ANKS3: variants seen among roughly 807,000 people sequenced by gnomAD.
The protein encoded by ANKS3 is ankyrin repeat and sterile alpha motif domain containing 3, also known as ankyrin repeat and SAM domain-containing protein 3.
Under a neutral mutation model 80.7 loss-of-function variants are expected in ANKS3, and 62 were observed. The observed-to-expected ratio is 0.77, with a 90% CI of 0.63 to 0.95. ANKS3 has a LOEUF of 0.95. Among genes scored for constraint, ANKS3 ranks in the 40% least tolerant of loss-of-function variants. ANKS3 has a pLI of 0.00. For synonymous variants in ANKS3, 489 were observed against 355.3 expected (o/e 1.38, Z -4.23); for missense variants, 1,150 against 883.6 (o/e 1.30, Z -3.82).
chr16:4,726,493 C>T (rs991933135), intron 5 of ANKS3, among the ~76,000 whole-genome samples, 166 bp downstream of exon 5: 2 of 152,186 alleles, frequency 1.3e-5, no homozygotes, highest in Admixed American at 6.5e-5. Flanking sequence ...CACAGATGTA[C>T]GAAAAGGCCT....
intron 11 of ANKS3, chr16:4,700,570 G>C (rs2291408): frequency 0.15 from 53,058 of 358,072 alleles, 4,546 homozygotes; most frequent in East Asian, 0.3. Context: ...TGTGGTCAGA[G>C]GGACCACAGA....
rs775426557 is a variant in ANKS3 at position 4,698,073 on chromosome 16, C to T, written c.1725-11G>A. ...TCAGCTTGACAGGCTCTGCCAGACA[C>T]AGAAACAAATATTGGTGAGAGCAGA... On this transcript the variant is annotated splice_polypyrimidine_tract_variant and intron_variant, in intron 14 of 17. Transcript: ENST00000304283. 6.2e-7 allele frequency: 1 copy of T among 1,601,742 alleles called. No individual in the cohort carries two copies. Among genetic ancestry groups the T allele is most frequent in the East Asian group, 2.2e-5 (1 of 44,536 alleles).
intron 11 of ANKS3, chr16:4,700,077 C>T (rs2079815505): frequency 6.6e-6 from 1 of 152,580 alleles, no homozygotes; most frequent in Non-Finnish European, 1.5e-5. Context: ...ATCCAAGGCT[C>T]TACTGAACAG....
chr16:4,725,999 G>A (rs2081329564), intron 5 of ANKS3, among the ~76,000 whole-genome samples: 1 of 145,868 alleles, frequency 6.9e-6, no homozygotes, highest in African/African-American at 2.6e-5. Context: ...TTTTTGAGAT[G>A]GAGTCTTGCT....
At position 4,702,258 on chromosome 16, in the gene ANKS3, G is replaced by A. The variant is rs1450397368; in HGVS notation, c.869-16C>T. ...GGAGCCTGCTCTGTGTACAGAATGGGGCCCATAAGCCCAGGGAACTCCAAA... is the reference window on the plus strand; with the variant it reads ...GGAGCCTGCTCTGTGTACAGAATGGAGCCCATAAGCCCAGGGAACTCCAAA... On this transcript the variant is annotated splice_polypyrimidine_tract_variant and intron_variant, in intron 8 of 17. Coordinates refer to ENST00000304283, the MANE Select transcript of ANKS3 (RefSeq NM_133450.4). 2 of 1,509,816 alleles carry A rather than the reference G, an allele frequency of 1.3e-6. No individual in the cohort carries two copies. The highest frequency in any genetic ancestry group is 1.8e-6 in the Non-Finnish European group (2 of 1,130,096). The allele number at this position is 1,509,816 out of a possible 1,614,324, so 93.5% of individuals were successfully genotyped here.
At position 4,702,110 on chromosome 16, in the gene ANKS3, C is replaced by T. The variant is rs1405103289; in HGVS notation, c.1001G>A (p.Ser334Asn). Residue 334 changes from serine to asparagine, a missense_variant, in exon 9 of 18, where the codon AGC becomes AAC. Coordinates refer to ENST00000304283, the MANE Select transcript of ANKS3 (RefSeq NM_133450.4). ...GGTGGGGGTGCACGTACCCCGACTG[C>T]TGCTGCTGCTGCTGCTCTCCACATC... Reference protein sequence around the residue: ...ERDVESSSSSSSREEHAFCAN... With the variant: ...ERDVESSSSSNSREEHAFCAN... 3.2e-6 allele frequency: 5 copies of T among 1,579,868 alleles called. 1 individual carries two copies. The Admixed American group carries it at 5.2e-5, about 16-fold the overall frequency.
rs762322253 is a variant in ANKS3 at position 4,698,604 on chromosome 16, A to AG, written c.1552-6dup. On this transcript the variant is annotated splice_polypyrimidine_tract_variant and splice_region_variant and intron_variant, in intron 13 of 17. Coordinates refer to ENST00000304283, the MANE Select transcript of ANKS3 (RefSeq NM_133450.4). The stretch of plus-strand genomic sequence containing the variant: ...GGCCTCTACCTCCTCGCAGCGCTGC[A>AG]GGGGGGTGGGGGGCGCGGGGAGGCT... The AG allele has an allele frequency of 7.7e-6, 12 of 1,552,754 alleles. No individual in the cohort carries two copies. In the South Asian group the frequency reaches 9.5e-5, roughly 12 times the overall value.
chr16:4,724,273 T>C (rs2081247596), intron 6 of ANKS3, among the ~76,000 whole-genome samples: 1 of 152,194 alleles, frequency 6.6e-6, no homozygotes, highest in African/African-American at 2.4e-5. Context: ...AAGATGTCTC[T>C]AAGTTACAGA....
In ANKS3 at chr16:4,697,341, C is replaced by G; in HGVS notation, c.1886G>C (p.Arg629Pro). 1.9e-6 allele frequency: 3 copies of G among 1,606,334 alleles called. No homozygotes were observed. Among genetic ancestry groups the G allele is most frequent in the Non-Finnish European group, 2.6e-6 (3 of 1,175,522 alleles). Residue 629 changes from arginine (R) to proline (P), a missense_variant, in exon 16 of 18, where the codon CGT becomes CCT. Coordinates refer to ENST00000304283, the MANE Select transcript of ANKS3 (RefSeq NM_133450.4). ...GGTCCCCGGAGACTCACCCATCTCA[C>G]GGACACGGTCCTCCAGGGCTCCCGA... ...ELSGALEDRV[R>P]EMGQALCLVT...
At chr16:4,713,448 G>A (rs2080608761) in intron 7 of ANKS3, among the ~76,000 whole-genome samples, 2 of 151,898 alleles carry the variant, frequency 1.3e-5, no homozygotes, top group South Asian at 4.1e-4. Context: ...CTGAGAGTTG[G>A]GGGGAAAAAA....
At chr16:4,700,821 G>T in intron 11 of ANKS3, 149 bp downstream of exon 11, 1 of 1,044,022 alleles carries the variant, frequency 9.6e-7, no homozygotes, top group Non-Finnish European at 1.5e-6. Flanking sequence ...AGCCGGCTGT[G>T]AGCCTGTGGA....
rs929347106 is a variant in ANKS3 at position 4,732,688 on chromosome 16, A to AC, written c.-70-1110_-70-1109insG. Among the ~76,000 whole-genome samples the AC allele has an allele frequency of 3.5e-5, 5 of 144,834 alleles. 1 individual carries two copies. The East Asian group carries it at 7.8e-4, about 23-fold the overall frequency. ...AGCGAAATTCTGTCTCAAAAAAAAA[A>AC]ACAAAAAAAAAACACTAAAGTGAAA... On this transcript the variant is annotated intron_variant, in intron 1 of 17. Coordinates refer to ENST00000304283, the MANE Select transcript of ANKS3 (RefSeq NM_133450.4).
Position 4,713,368 on chromosome 16 carries a change from T to C in ANKS3, c.709+683A>G, listed in dbSNP as rs185957030. Among the ~76,000 whole-genome samples the C allele has an allele frequency of 2.6e-5, 4 of 152,230 alleles. No homozygotes were observed. The East Asian group carries it at 5.8e-4, about 22-fold the overall frequency. ...GACACCACTAAAGGACTTATTCACG[T>C]ATCCAACCACCACCTGTTCTCCAAA... On this transcript the variant is annotated intron_variant, in intron 7 of 17. Transcript: ENST00000304283.
In ANKS3 at chr16:4,698,781, C is replaced by A. The variant is rs8050086; in HGVS notation, c.1551+19G>T. The stretch of plus-strand genomic sequence containing the variant: ...CACGGGTGTCACCCTGCCCCCCCAT[C>A]CCCCACCCAGCCACTCACCTTGTGC... On this transcript the variant is annotated intron_variant, in intron 13 of 17. Transcript: ENST00000304283. 3.2e-6 allele frequency: 5 copies of A among 1,585,878 alleles called. No individual in the cohort carries two copies. Among genetic ancestry groups the A allele is most frequent in the African/African-American group, 1.3e-5 (1 of 74,410 alleles).
At position 4,700,989 on chromosome 16, in the gene ANKS3, G is replaced by A. The variant is rs753942598; in HGVS notation, c.1265C>T (p.Ala422Val). 6 of 1,613,834 alleles carry A rather than the reference G, an allele frequency of 3.7e-6. No individual in the cohort carries two copies. The highest frequency in any genetic ancestry group is 1.1e-5 in the South Asian group (1 of 91,092). ...LAESSPQTQR[A>V]PYSGPQDLAA... ...TCTTACCTGGGGTCCTGAGTAGGGGGCCCTCTGAGTCTGGGGGCTGGACTC... is the reference window on the plus strand; with the variant it reads ...TCTTACCTGGGGTCCTGAGTAGGGGACCCTCTGAGTCTGGGGGCTGGACTC... Residue 422 changes from alanine (A) to valine (V), a missense_variant, in exon 11 of 18, where the codon GCC (alanine) becomes GTC (valine). Transcript: ENST00000304283.
In ANKS3 at chr16:4,696,667, CTG is replaced by C. The variant is rs762559784; in HGVS notation, c.*239_*240del. 8.3e-6 allele frequency: 3 copies of C among 360,422 alleles called. No homozygotes were observed. The highest frequency in any genetic ancestry group is 1.0e-5 in the Non-Finnish European group (2 of 191,078). The allele number at this position is 360,422 out of a possible 1,614,324, so 22.3% of individuals were successfully genotyped here. On this transcript the variant is annotated 3_prime_UTR_variant, in exon 18 of 18. Coordinates refer to ENST00000304283, the MANE Select transcript of ANKS3 (RefSeq NM_133450.4). ...TATGGGCCAGGGCAGCCCATGAACTCTGGGCCTCACCACGAGGTTCTGGGTGA... is the reference window on the plus strand; with the variant it reads ...TATGGGCCAGGGCAGCCCATGAACTCGGCCTCACCACGAGGTTCTGGGTGA...
intron 15 of ANKS3, 128 bp from the exon 16 acceptor site, chr16:4,697,544 T>A: frequency 2.7e-6 from 2 of 747,396 alleles, no homozygotes; most frequent in South Asian, 2.0e-5. Context: ...TGACAGTGTC[T>A]AAGCAACCTC....
In ANKS3 at chr16:4,698,502, CGGGCGCGGTCCTGCTCCAGCAGGCAG is replaced by C; in HGVS notation, c.1623_1648del (p.Ser541ArgfsTer31). 6.4e-7 allele frequency: 1 copy of C among 1,557,472 alleles called. No homozygotes were observed. ...CCGCAGCCGGGCCTGGAGGTCCTCG[CGGGCGCGGTCCTGCTCCAGCAGGCAG>C]CTCTCCACCACGGCGCGCAGCTCCT... On this transcript the variant is annotated frameshift_variant, in exon 14 of 18. Transcript: ENST00000304283. LOFTEE classifies it high-confidence loss of function.
intron 6 of ANKS3, 88 bp from the exon 7 acceptor site, chr16:4,714,274 T>TA: frequency 6.5e-7 from 1 of 1,544,886 alleles, no homozygotes; most frequent in Non-Finnish European, 8.8e-7. Flanking sequence ...CAGAAGGGCA[T>TA]ATGCTGGTTT....
Sources: allele counts gnomAD v4.1 joint callset (sites outside exome capture counted in the v4.1 genomes callset), GRCh38; gene constraint gnomAD v4.1.1; transcripts MANE v1.5; gene names NCBI Gene and HGNC (gene_info 2026-07-23, HGNC 2026-07-21).